The following MEGF6 variants were observed in gnomAD, a reference collection of about 807,000 sequenced individuals.
MEGF6 encodes multiple epidermal growth factor-like domains protein 6.
Under a neutral mutation model 207.1 loss-of-function variants are expected in MEGF6, and 184 were observed. The observed-to-expected ratio is 0.89, with a 90% confidence interval of 0.79 to 1.00. The LOEUF (loss-of-function observed/expected upper bound fraction) is 1.00, where lower values mean the gene tolerates loss of function less well. Ranked by LOEUF, MEGF6 falls within the 50% of genes least tolerant of loss-of-function variation. The pLI, the probability that MEGF6 is intolerant of heterozygous loss-of-function variation, is 0.00. For missense variants in MEGF6, 2,282 were observed against 2,202.9 expected (o/e 1.04, Z -0.72); for synonymous variants, 1,038 against 910.0 (o/e 1.14, Z -2.53).
intron 1 of MEGF6, among the ~76,000 whole-genome samples, chr1:3,603,121 C>T (rs1425567418): frequency 6.6e-6 from 1 of 152,204 alleles, no homozygotes; most frequent in East Asian, 1.9e-4. Context: ...AGTGTTTGCT[C>T]TTGGAGGAGG....
chr1:3,500,892 C>T (rs781209270), intron 20 of MEGF6, 74 bp downstream of exon 20: 6 of 1,605,464 alleles, frequency 3.7e-6, no homozygotes, highest in Non-Finnish European at 5.1e-6. Context: ...CCTCGGGGGC[C>T]CTGGGCAGAG....
intron 1 of MEGF6, among the ~76,000 whole-genome samples, chr1:3,606,295 G>A (rs1162185375): frequency 1.3e-5 from 2 of 152,170 alleles, no homozygotes; most frequent in Admixed American, 6.5e-5. Context: ...TCTGGGGGTG[G>A]GGCCCAGCAT....
intron 3 of MEGF6, among the ~76,000 whole-genome samples, chr1:3,585,951 ACG>A (rs1431275682): frequency 0.017 from 1,574 of 90,602 alleles, 39 homozygotes; most frequent in African/African-American, 0.091. Context: ...GGGTGTGAGG[ACG>A]CATGTCCTGT....
chr1:3,600,194 C>T (rs549534518), intron 2 of MEGF6, among the ~76,000 whole-genome samples: 1 of 152,310 alleles, frequency 6.6e-6, no homozygotes, highest in Admixed American at 6.5e-5. Flanking sequence ...TGCTCAGTGC[C>T]CCGGCTGAAT....
chr1:3,491,363 G>C (rs976254602), intron 35 of MEGF6, among the ~76,000 whole-genome samples: 1 of 151,980 alleles, frequency 6.6e-6, no homozygotes, highest in African/African-American at 2.4e-5. Context: ...CGCAGGTGCC[G>C]GCAGCCGGCG....
intron 6 of MEGF6, 59 bp downstream of exon 6, chr1:3,515,343 C>A: frequency 2.6e-6 from 4 of 1,550,904 alleles, no homozygotes; most frequent in Non-Finnish European, 3.5e-6. Context: ...ACAGCCCAGG[C>A]GAGGCAGCTT....
rs1345873863 is a variant in MEGF6 at position 3,499,721 on chromosome 1, A to G, written c.2837-5T>C. The G allele has an allele frequency of 1.2e-6, 2 of 1,603,488 alleles. No individual in the cohort carries two copies. Among genetic ancestry groups the G allele is most frequent in the Non-Finnish European group, 1.7e-6 (2 of 1,176,144 alleles). On this transcript the variant is annotated splice_polypyrimidine_tract_variant and splice_region_variant and intron_variant, in intron 22 of 36. Coordinates refer to ENST00000356575, the MANE Select transcript of MEGF6 (RefSeq NM_001409.4). ...CAAAGAAGCCGGCCGGGCAGGCTGC[A>G]GACAGCGGGCAGTGATGTGGAGGGG... is the stretch of plus-strand genomic sequence containing the variant.
rs1417608091 is a variant in MEGF6 at position 3,508,555 on chromosome 1, C to T, written c.1660+3G>A. ...GCCCCCAGCCCCTGCCCAGCTGCCT[C>T]ACTCTCATTGCAGATGAGCCCAGTC... is the stretch of plus-strand genomic sequence containing the variant. On this transcript the variant is annotated splice_donor_region_variant and intron_variant, in intron 13 of 36. Coordinates refer to ENST00000356575, the MANE Select transcript of MEGF6 (RefSeq NM_001409.4). 1 of 1,612,308 alleles carries T rather than the reference C, an allele frequency of 6.2e-7. No individual in the cohort carries two copies. The highest frequency in any genetic ancestry group is 8.5e-7 in the Non-Finnish European group (1 of 1,179,394).
At chr1:3,517,466 C>G (rs753927056) in intron 5 of MEGF6, among the ~76,000 whole-genome samples, 3 of 152,250 alleles carry the variant, frequency 2.0e-5, no homozygotes, top group South Asian at 4.1e-4. Flanking sequence ...CCAAGCTGTG[C>G]GCAGCCGGGA....
intron 4 of MEGF6, among the ~76,000 whole-genome samples, chr1:3,579,308 A>G (rs915294881): frequency 4.6e-5 from 7 of 151,542 alleles, no homozygotes; most frequent in African/African-American, 1.7e-4. Flanking sequence ...GCCCATCCCC[A>G]CTCCCTGCAA....
At chr1:3,554,371 CG>C (rs1381717431) in intron 4 of MEGF6, among the ~76,000 whole-genome samples, 1 of 151,934 alleles carries the variant, frequency 6.6e-6, no homozygotes, top group Non-Finnish European at 1.5e-5. Context: ...GGGACCCAGC[CG>C]GGCCAGGCGG....
intron 4 of MEGF6, among the ~76,000 whole-genome samples, chr1:3,542,129 TG>T (rs1024055338): frequency 9.9e-5 from 15 of 152,190 alleles, no homozygotes; most frequent in Admixed American, 3.3e-4. Context: ...CCTTATCTCC[TG>T]GAAGGAGGGG....
intron 4 of MEGF6, among the ~76,000 whole-genome samples, chr1:3,541,738 G>A (rs1642528654): frequency 6.6e-6 from 1 of 151,982 alleles, no homozygotes; most frequent in Non-Finnish European, 1.5e-5. Context: ...GGTGTGAAAG[G>A]CCGAGCCCAC....
At chr1:3,554,775 C>G (rs1225548797) in intron 4 of MEGF6, among the ~76,000 whole-genome samples, 1 of 152,200 alleles carries the variant, frequency 6.6e-6, no homozygotes, top group Non-Finnish European at 1.5e-5. Flanking sequence ...CTGGGCAACC[C>G]AGGGCCACCT....
At position 3,499,716 on chromosome 1, in the gene MEGF6, G is replaced by A. The variant is rs1384886196; in HGVS notation, c.2837C>T (p.Ala946Val). Reference protein sequence around the residue: ...AGWRGTFCEHACPAGFFGLDC... With the variant: ...AGWRGTFCEHVCPAGFFGLDC... The stretch of plus-strand genomic sequence containing the variant: ...CAATCCAAAGAAGCCGGCCGGGCAG[G>A]CTGCAGACAGCGGGCAGTGATGTGG... Residue 946 changes from alanine (A) to valine (V), a missense_variant and splice_region_variant, in exon 23 of 37, where the codon GCC (alanine) becomes GTC (valine). By Grantham distance (64) the Ala-to-Val change is moderately conservative (BLOSUM62 0). Transcript: ENST00000356575. 2 of 1,603,832 alleles carry A rather than the reference G, an allele frequency of 1.2e-6. No individual in the cohort carries two copies. Among genetic ancestry groups the A allele is most frequent in the Admixed American group, 1.7e-5 (1 of 59,006 alleles).
At position 3,509,715 on chromosome 1, in the gene MEGF6, C is replaced by T. The variant is rs538611001; in HGVS notation, c.1357+155G>A. ...GGACCTCAGTGGGTCCCCAAGGGCC[C>T]AAGAGCCTCTGAGGTGTGTTGGCCC... On this transcript the variant is annotated intron_variant, in intron 11 of 36. Coordinates refer to ENST00000356575, the MANE Select transcript of MEGF6 (RefSeq NM_001409.4). 3.3e-5 allele frequency among the ~76,000 whole-genome samples: 5 copies of T among 152,344 alleles called. No homozygotes were observed. The East Asian group carries it at 9.6e-4, about 29-fold the overall frequency.
chr1:3,501,811 C>T lies in MEGF6; in HGVS notation c.2299G>A (p.Glu767Lys), dbSNP rs1640881250. Residue 767 changes from glutamate (E) to lysine (K), a missense_variant, in exon 18 of 37, where the codon GAA (glutamate) becomes AAA (lysine). By Grantham distance (56) the Glu-to-Lys change is moderately conservative. Transcript: ENST00000356575. ...TGACACTCACCTGCCTCACAGTCTT[C>T]CCCAGTCCTCCCCGGCGGACACCGG... ...QCRCPPGRTG[E>K]DCEADCPEGR... The T allele has an allele frequency of 6.2e-7, 1 of 1,609,786 alleles. No individual in the cohort carries two copies. Among genetic ancestry groups the T allele is most frequent in the African/African-American group, 1.3e-5 (1 of 74,760 alleles).
the MEGF6 span, among the ~76,000 whole-genome samples, chr1:3,620,557 G>A: frequency 6.6e-6 from 1 of 152,238 alleles, no homozygotes; most frequent in Non-Finnish European, 1.5e-5. Flanking sequence ...TGCTGCAGGG[G>A]CAGAGCCCTC....
At chr1:3,521,161 G>A (rs956843080) in intron 5 of MEGF6, among the ~76,000 whole-genome samples, 2 of 152,138 alleles carry the variant, frequency 1.3e-5, no homozygotes, top group African/African-American at 2.4e-5. Flanking sequence ...GGGGCTCCAC[G>A]GCAGCCCCAG....
Sources: gnomAD v4.1 joint callset for allele counts (sites outside exome capture counted in the v4.1 genomes callset) on GRCh38, gnomAD v4.1.1 for gene constraint, MANE v1.5 for transcripts, NCBI Gene and HGNC (gene_info 2026-07-23, HGNC 2026-07-21) for gene names.